ZFPM2: variants seen among roughly 807,000 people sequenced by gnomAD.
ZFPM2 encodes the protein zinc finger protein, FOG family member 2, also known as zinc finger protein ZFPM2.
In ZFPM2, 20 loss-of-function variants were observed where a neutral mutation model predicts 98.6. That is an observed-to-expected ratio of 0.20 (90% confidence interval 0.14 to 0.29). The LOEUF (loss-of-function observed/expected upper bound fraction) is 0.29, where lower values mean the gene tolerates loss of function less well. Ranked by LOEUF, ZFPM2 falls within the 10% of genes least tolerant of loss-of-function variation. The pLI, the probability that ZFPM2 is intolerant of heterozygous loss-of-function variation, is 1.00. For synonymous variants in ZFPM2, 518 were observed against 502.7 expected (o/e 1.03, Z -0.41); for missense variants, 1,310 against 1,388.6 (o/e 0.94, Z 0.90).
At chr8:105,514,343 G>A (rs1813877331) in intron 3 of ZFPM2, among the ~76,000 whole-genome samples, 1 of 144,534 alleles carries the variant, frequency 6.9e-6, no homozygotes, top group Non-Finnish European at 1.5e-5. Context: ...TTTTAAATAA[G>A]GGAGCCAGAT....
At chr8:105,734,223 C>T (rs569050008) in intron 5 of ZFPM2, among the ~76,000 whole-genome samples, 1 of 152,012 alleles carries the variant, frequency 6.6e-6, no homozygotes, top group South Asian at 2.1e-4. Context: ...TCTAGAACCC[C>T]ACCAGCGATG....
chr8:105,635,077 C>A (rs1451492300), intron 5 of ZFPM2, among the ~76,000 whole-genome samples: 1 of 152,148 alleles, frequency 6.6e-6, no homozygotes, highest in Non-Finnish European at 1.5e-5. Flanking sequence ...TCTCCACATT[C>A]AAGTCTTGGT....
intron 5 of ZFPM2, among the ~76,000 whole-genome samples, chr8:105,727,789 TAGAA>T (rs1811848066): frequency 6.6e-6 from 1 of 151,570 alleles, no homozygotes; most frequent in South Asian, 2.1e-4. Flanking sequence ...GGGGGAAAGA[TAGAA>T]AGGAAGGAAG....
intron 2 of ZFPM2, among the ~76,000 whole-genome samples, chr8:105,424,928 G>A (rs1030599057): frequency 3.3e-5 from 5 of 152,150 alleles, no homozygotes; most frequent in Non-Finnish European, 7.4e-5. Flanking sequence ...AATAAAGCAG[G>A]CAAAGTTGGT....
chr8:105,802,343 C>T lies in ZFPM2; in HGVS notation c.2261C>T (p.Pro754Leu). 6.2e-7 allele frequency: 1 copy of T among 1,613,800 alleles called. No homozygotes were observed. Among genetic ancestry groups the T allele is most frequent in the Non-Finnish European group, 8.5e-7 (1 of 1,179,836 alleles). The change falls in exon 8 of 8, where the codon CCA becomes CTA. Residue 754 changes from proline (P) to leucine (L), a missense_variant. Coordinates refer to ENST00000407775, the MANE Select transcript of ZFPM2 (RefSeq NM_012082.4). ...MCLPEQEQRP[P>L]LVQQRFLDVA... is the part of the protein sequence containing the mutation. ...CTACCTGAGCAGGAACAAAGGCCTC[C>T]ACTGGTTCAGCAGAGATTTCTTGAC...
chr8:105,561,405 A>G lies in ZFPM2; in HGVS notation c.344A>G (p.Gln115Arg). The change falls in exon 4 of 8, where the codon CAG becomes CGG. Residue 115 changes from glutamine (Q) to arginine (R), a missense_variant. Gln to Arg is a conservative substitution (Grantham distance 43). Transcript: ENST00000407775. ...CAGAAAGATGGGGAACGAAAAATTCAGAGTCGACAGCAACTTCCAGTGGGA... is the reference window on the plus strand; with the variant it reads ...CAGAAAGATGGGGAACGAAAAATTCGGAGTCGACAGCAACTTCCAGTGGGA... ...VFQKDGERKI[Q>R]SRQQLPVGTT... 1.2e-6 allele frequency: 2 copies of G among 1,613,608 alleles called. No individual in the cohort carries two copies. The highest frequency in any genetic ancestry group is 1.3e-5 in the African/African-American group (1 of 75,034).
chr8:105,553,565 C>T (rs1814913013), intron 3 of ZFPM2, among the ~76,000 whole-genome samples: 1 of 152,148 alleles, frequency 6.6e-6, no homozygotes, highest in Non-Finnish European at 1.5e-5. Context: ...GTTATCTTTT[C>T]CAGTGCAATT....
chr8:105,423,013 C>G (rs1249130339), intron 2 of ZFPM2, among the ~76,000 whole-genome samples: 1 of 152,020 alleles, frequency 6.6e-6, no homozygotes, highest in East Asian at 1.9e-4. Flanking sequence ...ACATTTTTCT[C>G]AGTTCCACAC....
At chr8:105,679,885 G>T (rs1183905020) in intron 5 of ZFPM2, among the ~76,000 whole-genome samples, 2 of 151,724 alleles carry the variant, frequency 1.3e-5, no homozygotes, top group Non-Finnish European at 2.9e-5. Flanking sequence ...TGGTACTTTG[G>T]GCTTTTTAAA....
intron 5 of ZFPM2, among the ~76,000 whole-genome samples, chr8:105,655,529 C>T (rs1222849885): frequency 6.6e-6 from 1 of 152,168 alleles, no homozygotes; most frequent in Non-Finnish European, 1.5e-5. Context: ...CCACCCCCAG[C>T]CTGTTGCATG....
At chr8:105,570,703 T>C (rs1815336444) in intron 4 of ZFPM2, among the ~76,000 whole-genome samples, 1 of 152,210 alleles carries the variant, frequency 6.6e-6, no homozygotes, top group African/African-American at 2.4e-5. Context: ...TTTCTCCTGA[T>C]GGTGAAGTCT....
chr8:105,453,908 C>G (rs576271207), intron 3 of ZFPM2, among the ~76,000 whole-genome samples: 1 of 151,952 alleles, frequency 6.6e-6, no homozygotes, highest in Non-Finnish European at 1.5e-5. Flanking sequence ...TATTTTAAAG[C>G]GAGTTTCAGA....
intron 3 of ZFPM2, among the ~76,000 whole-genome samples, chr8:105,524,022 G>C (rs548796207): frequency 7.2e-5 from 11 of 152,214 alleles, no homozygotes; most frequent in South Asian, 6.2e-4. Context: ...ATTTAGAGCT[G>C]TATCTACCTA....
At chr8:105,390,229 G>A (rs551844556) in intron 1 of ZFPM2, among the ~76,000 whole-genome samples, 3 of 152,128 alleles carry the variant, frequency 2.0e-5, no homozygotes, top group Non-Finnish European at 4.4e-5. Flanking sequence ...TGACTAACAG[G>A]CTACAAATTT....
At chr8:105,726,866 C>T (rs943754056) in intron 5 of ZFPM2, among the ~76,000 whole-genome samples, 1 of 151,502 alleles carries the variant, frequency 6.6e-6, no homozygotes, top group East Asian at 2.0e-4. Context: ...ACAGGCATTA[C>T]AGGGGAATTA....
At chr8:105,616,666 A>G (rs199620331) in intron 4 of ZFPM2, 3 of 339,172 alleles carry the variant, frequency 8.8e-6, no homozygotes, top group Non-Finnish European at 1.8e-5. Flanking sequence ...TGGTATAACA[A>G]TAATAATAAT....
At chr8:105,347,941 A>G (rs1271542425) in intron 1 of ZFPM2, among the ~76,000 whole-genome samples, 3 of 152,212 alleles carry the variant, frequency 2.0e-5, no homozygotes, top group Non-Finnish European at 4.4e-5. Context: ...TTGTGTTGAA[A>G]TCACAGGCTA....
chr8:105,634,420 C>A, intron 5 of ZFPM2, 63 bp downstream of exon 5: 1 of 1,275,990 alleles, frequency 7.8e-7, no homozygotes, highest in Non-Finnish European at 1.1e-6. Context: ...TGCAAAACAG[C>A]ACCAGAAGAG....
At chr8:105,613,985 G>A (rs1002742743) in intron 4 of ZFPM2, among the ~76,000 whole-genome samples, 22 of 152,088 alleles carry the variant, frequency 1.4e-4, no homozygotes, top group African/African-American at 5.3e-4. Flanking sequence ...CATAACAACT[G>A]GAGACATTAA....
Sources: gnomAD v4.1 joint callset for allele counts (sites outside exome capture counted in the v4.1 genomes callset) on GRCh38, gnomAD v4.1.1 for gene constraint, MANE v1.5 for transcripts, NCBI Gene and HGNC (gene_info 2026-07-23, HGNC 2026-07-21) for gene names.